The following PLEKHM2 variants were observed in gnomAD, a reference collection of about 807,000 sequenced individuals.
The protein encoded by PLEKHM2 is pleckstrin homology and RUN domain containing M2, also known as pleckstrin homology domain-containing family M member 2.
PLEKHM2 carries 77 observed loss-of-function variants against 116.3 expected under a neutral mutation model. The observed-to-expected ratio is 0.66, with a 90% confidence interval of 0.55 to 0.80. The LOEUF is 0.80. Ranked by LOEUF, PLEKHM2 falls within the 30% of genes least tolerant of loss-of-function variation. The pLI, the probability that PLEKHM2 is intolerant of heterozygous loss-of-function variation, is 0.00. For synonymous variants in PLEKHM2, 562 were observed against 571.0 expected (o/e 0.98, Z 0.22); for missense variants, 1,183 against 1,354.9 (o/e 0.87, Z 1.99).
chr1:15,706,854 A>T (rs999550589), intron 1 of PLEKHM2, among the ~76,000 whole-genome samples: 29 of 152,170 alleles, frequency 1.9e-4, no homozygotes, highest in Admixed American at 1.9e-3. Context: ...TGATATGTAC[A>T]TAGCAGGTGC....
At chr1:15,715,471 G>T (rs558080230) in intron 1 of PLEKHM2, among the ~76,000 whole-genome samples, 1 of 152,094 alleles carries the variant, frequency 6.6e-6, no homozygotes, top group African/African-American at 2.4e-5. Flanking sequence ...GCGAAACCTC[G>T]TCTCTACTAA....
chr1:15,724,021 T>C (rs1414722055), intron 7 of PLEKHM2, among the ~76,000 whole-genome samples: 1 of 152,224 alleles, frequency 6.6e-6, no homozygotes, highest in African/African-American at 2.4e-5. Flanking sequence ...CATCTGCCAC[T>C]GGCCGTATGG....
intron 19 of PLEKHM2, among the ~76,000 whole-genome samples, chr1:15,733,569 G>A (rs1167706306): frequency 1.3e-5 from 2 of 152,246 alleles, no homozygotes. Context: ...CCTGAGAGCT[G>A]GGGCCTTCCC....
At chr1:15,712,549 T>C (rs1167755324) in intron 1 of PLEKHM2, among the ~76,000 whole-genome samples, 1 of 152,074 alleles carries the variant, frequency 6.6e-6, no homozygotes. Context: ...TATTTAACAA[T>C]GGTTGAAGTA....
intron 1 of PLEKHM2, among the ~76,000 whole-genome samples, chr1:15,694,460 T>G (rs1417655504): frequency 6.6e-6 from 1 of 152,122 alleles, no homozygotes; most frequent in Non-Finnish European, 1.5e-5. Flanking sequence ...CGAGCTCTCC[T>G]CCTTGAGGGT....
At chr1:15,701,111 C>T (rs1383485760) in intron 1 of PLEKHM2, among the ~76,000 whole-genome samples, 2 of 54,258 alleles carry the variant, frequency 3.7e-5, no homozygotes, top group East Asian at 1.1e-3. Context: ...GAAACTCTGT[C>T]TCAAAAAAAA....
chr1:15,708,969 A>G (rs1238798160), intron 1 of PLEKHM2, among the ~76,000 whole-genome samples: 2 of 152,214 alleles, frequency 1.3e-5, no homozygotes, highest in African/African-American at 4.8e-5. Context: ...CCTCATGGCA[A>G]CCTATAGGGA....
chr1:15,710,792 G>C (rs904875097), intron 1 of PLEKHM2, among the ~76,000 whole-genome samples: 2 of 152,234 alleles, frequency 1.3e-5, no homozygotes, highest in Non-Finnish European at 2.9e-5. Context: ...TCACAGATCA[G>C]CCAGGCATAG....
intron 6 of PLEKHM2, 100 bp downstream of exon 6, chr1:15,720,020 T>C (rs2067968643): frequency 6.0e-6 from 6 of 1,003,754 alleles, no homozygotes; most frequent in Non-Finnish European, 8.6e-6. Flanking sequence ...AGTTTTGGTC[T>C]GGTGGCTGAA....
chr1:15,686,939 G>A (rs751385596), intron 1 of PLEKHM2, among the ~76,000 whole-genome samples: 8 of 151,146 alleles, frequency 5.3e-5, no homozygotes, highest in Non-Finnish European at 1.2e-4. Context: ...CGTGAGCCAC[G>A]GCGCCCAGCG....
At chr1:15,686,893 GC>G (rs776954475) in intron 1 of PLEKHM2, among the ~76,000 whole-genome samples, 3 of 151,924 alleles carry the variant, frequency 2.0e-5, no homozygotes, top group Non-Finnish European at 4.4e-5. Flanking sequence ...CTTGTGATCT[GC>G]CCGCTTCGGC....
At chr1:15,686,354 C>G (rs1334050062) in intron 1 of PLEKHM2, among the ~76,000 whole-genome samples, 1 of 152,178 alleles carries the variant, frequency 6.6e-6, no homozygotes, top group Non-Finnish European at 1.5e-5. Context: ...TGATTGAATC[C>G]CCGCCCTGCC....
intron 1 of PLEKHM2, among the ~76,000 whole-genome samples, chr1:15,710,239 A>AG (rs1454402286): frequency 6.6e-6 from 1 of 151,996 alleles, no homozygotes; most frequent in East Asian, 1.9e-4. Flanking sequence ...AAAAAAAAAA[A>AG]AAAAAATTCT....
chr1:15,729,470 G>A lies in PLEKHM2; in HGVS notation c.2075+280G>A, dbSNP rs1158832306. On this transcript the variant is annotated intron_variant, in intron 13 of 19. Coordinates refer to ENST00000375799, the MANE Select transcript of PLEKHM2 (RefSeq NM_015164.4). This position sits in a 1 kb window ranked among gnomAD's most constrained non-coding sequence, Gnocchi z 4.7. ...AGGCAGGCAGAGAGCCATGCTGCTGGGCCAGGCGTGCCCTTGAACGCCTGC... is the reference window on the plus strand; with the variant it reads ...AGGCAGGCAGAGAGCCATGCTGCTGAGCCAGGCGTGCCCTTGAACGCCTGC... Among the ~76,000 whole-genome samples, 1 of 152,152 alleles carries A rather than the reference G, an allele frequency of 6.6e-6. No homozygotes were observed. The highest frequency in any genetic ancestry group is 1.5e-5 in the Non-Finnish European group (1 of 68,012).
chr1:15,699,051 G>A lies in PLEKHM2; in HGVS notation c.60+14433G>A, dbSNP rs576897211. 4.6e-5 allele frequency among the ~76,000 whole-genome samples: 7 copies of A among 152,226 alleles called. No individual in the cohort carries two copies. The East Asian group carries it at 1.4e-3, about 29-fold the overall frequency. The stretch of plus-strand genomic sequence containing the variant: ...TTAAAATTAGGGGAGTAGGCTTGAC[G>A]CAGTGGCTCATGCCTGTAATCCCAG... On this transcript the variant is annotated intron_variant, in intron 1 of 19. Coordinates refer to ENST00000375799, the MANE Select transcript of PLEKHM2 (RefSeq NM_015164.4).
chr1:15,681,618 C>A (rs753193277), upstream of PLEKHM2: 24 of 466,036 alleles, frequency 5.1e-5, no homozygotes, highest in Middle Eastern at 3.2e-4. Flanking sequence ...AGAGCTGCAT[C>A]CAGCAGGTTG....
At position 15,712,118 on chromosome 1, in the gene PLEKHM2, C is replaced by CAA. The variant is rs1005404755; in HGVS notation, c.61-4099_61-4098dup. ...GGGCAACAAGAGCAAGATTCAGTCT[C>CAA]AAAAAAAAAAAAAAAAAAAAAGAGC... On this transcript the variant is annotated intron_variant, in intron 1 of 19. Transcript: ENST00000375799. Among the ~76,000 whole-genome samples the CAA allele has an allele frequency of 4.5e-3, 227 of 50,288 alleles. 4 individuals carry two copies. The highest frequency in any genetic ancestry group is 0.017 in the Middle Eastern group (2 of 116). 33.0% of individuals were successfully genotyped at this position (50,288 alleles called of 152,430 possible).
At chr1:15,723,231 C>T (rs1372370092) in intron 7 of PLEKHM2, 2 of 152,018 alleles carry the variant, frequency 1.3e-5, no homozygotes, top group African/African-American at 2.4e-5. Context: ...GGTGCAACTG[C>T]GTGTGCTGAG....
chr1:15,690,986 C>T (rs1418279101), intron 1 of PLEKHM2, among the ~76,000 whole-genome samples: 6 of 152,156 alleles, frequency 3.9e-5, no homozygotes, highest in African/African-American at 9.7e-5. Flanking sequence ...GCTTTGGAGA[C>T]GATCAGGGAA....
Sources: gnomAD v4.1 joint callset for allele counts (sites outside exome capture counted in the v4.1 genomes callset) on GRCh38, gnomAD v4.1.1 for gene constraint, Gnocchi (gnomAD v3.1) non-coding constraint, MANE v1.5 for transcripts, NCBI Gene and HGNC (gene_info 2026-07-23, HGNC 2026-07-21) for gene names.